ARSG: variants seen among roughly 807,000 people sequenced by gnomAD.
ARSG encodes the protein arylsulfatase G.
Under a neutral mutation model 50.5 loss-of-function variants are expected in ARSG, and 37 were observed. The observed-to-expected ratio is 0.73, with a 90% CI of 0.56 to 0.96. The LOEUF is 0.96. Ranked by LOEUF, ARSG falls within the 50% of genes least tolerant of loss-of-function variation. The pLI, the probability that ARSG is intolerant of heterozygous loss-of-function variation, is 0.00. For synonymous variants in ARSG, 225 were observed against 254.6 expected (o/e 0.88, Z 1.11); for missense variants, 629 against 675.3 (o/e 0.93, Z 0.76).
intron 1 of ARSG, among the ~76,000 whole-genome samples, chr17:68,291,908 GCGCTCGCGGCTGCGGCGGCTT>G (rs1257368868): frequency 3.3e-5 from 5 of 151,902 alleles, no homozygotes; most frequent in African/African-American, 9.7e-5. Context: ...ATCCCGCGCG[GCGCTCGCGGCTGCGGCGGCTT>G]CGCGCCCGCC....
chr17:68,398,516 C>T (rs943720883), intron 10 of ARSG, among the ~76,000 whole-genome samples: 2 of 152,206 alleles, frequency 1.3e-5, no homozygotes, highest in African/African-American at 4.8e-5. Flanking sequence ...TGTGTTCACC[C>T]TCAGATACAT....
chr17:68,311,702 CAAG>C (rs1387323982), intron 2 of ARSG, among the ~76,000 whole-genome samples: 1 of 151,756 alleles, frequency 6.6e-6, no homozygotes, highest in Non-Finnish European at 1.5e-5. Flanking sequence ...ACCAGCAGAA[CAAG>C]GAGAGAGGCA....
At chr17:68,374,791 G>A (rs1406341730) in intron 8 of ARSG, among the ~76,000 whole-genome samples, 2 of 150,544 alleles carry the variant, frequency 1.3e-5, no homozygotes, top group African/African-American at 4.9e-5. Flanking sequence ...GGTGGAGGAG[G>A]TTGCAGTGAG....
At chr17:68,445,794 C>T in the ARSG span, among the ~76,000 whole-genome samples, 9 of 152,216 alleles carry the variant, frequency 5.9e-5, no homozygotes, top group South Asian at 2.1e-4. Flanking sequence ...GGCAGCTCCT[C>T]GCACATCTGA....
chr17:68,436,726 C>T, the ARSG span, among the ~76,000 whole-genome samples: 14 of 152,162 alleles, frequency 9.2e-5, no homozygotes, highest in African/African-American at 2.9e-4. Flanking sequence ...TGAGACTTGC[C>T]GGGCACAGTG....
the ARSG span, chr17:68,444,558 T>C: frequency 1.2e-6 from 2 of 1,613,994 alleles, no homozygotes; most frequent in South Asian, 1.1e-5. Flanking sequence ...GTTGTGAATA[T>C]AAATGGACTC....
At chr17:68,417,438 A>T (rs1185358689) in intron 11 of ARSG, among the ~76,000 whole-genome samples, 2 of 152,116 alleles carry the variant, frequency 1.3e-5, no homozygotes, top group Non-Finnish European at 2.9e-5. Flanking sequence ...TGGAGGTAAA[A>T]CTCACAAAAG....
At chr17:68,284,204 C>A (rs202230916) in intron 1 of ARSG, among the ~76,000 whole-genome samples, 1 of 151,328 alleles carries the variant, frequency 6.6e-6, no homozygotes, top group East Asian at 1.9e-4. Flanking sequence ...AGTTTGAGAC[C>A]AGCCTAGCCA....
downstream of ARSG, chr17:68,422,877 T>C (rs1277777688): frequency 6.6e-6 from 1 of 151,798 alleles, no homozygotes; most frequent in Non-Finnish European, 1.5e-5. Flanking sequence ...AAGCTTCTCA[T>C]CCTCCCGAAT....
At chr17:68,277,460 C>T (rs57808111) in intron 1 of ARSG, among the ~76,000 whole-genome samples, 33,088 of 151,736 alleles carry the variant, frequency 0.22, 3,742 homozygotes, top group African/African-American at 0.28. Flanking sequence ...GATGGTGTCT[C>T]GCTCTGTTGC....
chr17:68,421,955 C>T (rs932914403), downstream of ARSG: 37 of 1,040,974 alleles, frequency 3.6e-5, no homozygotes, highest in Admixed American at 4.5e-4. Flanking sequence ...TGTCTGAACT[C>T]GCTCATGGCC....
intron 2 of ARSG, among the ~76,000 whole-genome samples, chr17:68,314,747 G>C (rs544592285): frequency 6.6e-6 from 1 of 152,112 alleles, no homozygotes; most frequent in South Asian, 2.1e-4. Context: ...TAATCAGTTA[G>C]CATAGAGCCT....
At chr17:68,428,903 T>G in the ARSG span, 2 of 1,614,160 alleles carry the variant, frequency 1.2e-6, no homozygotes, top group Non-Finnish European at 1.7e-6. Flanking sequence ...GTCCACTGGA[T>G]GACGCAACTA....
rs759853287 is a variant in ARSG at position 68,367,512 on chromosome 17, G to A, written c.705-1036G>A. 2.0e-5 allele frequency among the ~76,000 whole-genome samples: 3 copies of A among 152,158 alleles called. No homozygotes were observed. The highest frequency in any genetic ancestry group is 4.4e-5 in the Non-Finnish European group (3 of 68,038). On this transcript the variant is annotated intron_variant, in intron 6 of 11. Coordinates refer to ENST00000621439, the MANE Select transcript of ARSG (RefSeq NM_001267727.2). This position sits in a 1 kb window ranked among gnomAD's most constrained non-coding sequence, Gnocchi z 4.5. ...AAAGACCCCCCATGGATGGATCTGT[G>A]GGAGAGGGGCCCCCTGAAGGTCCCT...
rs1162048669 is a variant in ARSG, at chr17:68,395,097, G to A, written c.1116G>A (p.Val372=). ...GCGTGCTGGACATTTTTCCAACTGT[G>A]GTAGCCCTGGCCCAGGCCAGCTTAC... ...LLSVLDIFPT[V]VALAQASLPQ... is the part of the protein sequence containing the mutation. Residue 372 remains valine, a synonymous_variant, in exon 10 of 12, where the codon GTG becomes GTA. Transcript: ENST00000621439. 1.9e-6 allele frequency: 3 copies of A among 1,613,958 alleles called. No individual in the cohort carries two copies. In the African/African-American group the frequency reaches 4.0e-5, roughly 22 times the overall value.
At chr17:68,405,130 C>CTT (rs58178643) in intron 11 of ARSG, among the ~76,000 whole-genome samples, 2,478 of 92,924 alleles carry the variant, frequency 0.027, 151 homozygotes, top group African/African-American at 0.095. Context: ...CAGCTTTGGG[C>CTT]TTTTTTTTTT....
At chr17:68,292,856 G>A (rs1254761231) in intron 1 of ARSG, among the ~76,000 whole-genome samples, 6 of 152,196 alleles carry the variant, frequency 3.9e-5, no homozygotes, top group Non-Finnish European at 8.8e-5. Context: ...GGGCCGCTGA[G>A]CAGCTTTGCA....
intron 2 of ARSG, among the ~76,000 whole-genome samples, chr17:68,327,752 G>A (rs1555772969): frequency 6.6e-6 from 1 of 152,194 alleles, no homozygotes; most frequent in Non-Finnish European, 1.5e-5. Flanking sequence ...CCCACAGCAA[G>A]CAGCCATGGC....
chr17:68,371,095 C>T (rs896824609), intron 8 of ARSG, among the ~76,000 whole-genome samples: 5 of 151,956 alleles, frequency 3.3e-5, no homozygotes, highest in South Asian at 2.1e-4. Context: ...CCCAGGCCGG[C>T]GGATCACGAG....
Sources: gnomAD v4.1 joint callset for allele counts (sites outside exome capture counted in the v4.1 genomes callset) on GRCh38, gnomAD v4.1.1 for gene constraint, Gnocchi (gnomAD v3.1) non-coding constraint, MANE v1.5 for transcripts, NCBI Gene and HGNC (gene_info 2026-07-23, HGNC 2026-07-21) for gene names.